Variants in IL10RB observed in about 807,000 individuals in gnomAD.
IL10RB encodes interleukin-10 receptor subunit beta.
A neutral mutation model predicts 38.7 loss-of-function variants in IL10RB; 30 were observed. That is an observed-to-expected ratio of 0.78 (90% confidence interval 0.58 to 1.05). The LOEUF (loss-of-function observed/expected upper bound fraction) is 1.05. IL10RB is among the 50% of genes least tolerant of loss of function. The probability of loss-of-function intolerance (pLI) is 0.00; values close to 1 mark genes in which losing one functional copy is unlikely to be tolerated. For missense variants in IL10RB, 328 were observed against 397.1 expected (o/e 0.83, Z 1.48); for synonymous variants, 142 against 145.9 (o/e 0.97, Z 0.19).
chr21:33,293,236 T>C (rs1326989563), intron 6 of IL10RB, among the ~76,000 whole-genome samples: 1 of 152,228 alleles, frequency 6.6e-6, no homozygotes, highest in Non-Finnish European at 1.5e-5. Flanking sequence ...TATTAATGTA[T>C]TGTTGTGATA....
chr21:33,277,897 T>C (rs1989205780), intron 3 of IL10RB, among the ~76,000 whole-genome samples: 1 of 150,804 alleles, frequency 6.6e-6, no homozygotes, highest in East Asian at 2.0e-4. Context: ...GGTCTTGAAC[T>C]CCTGACCTTA....
chr21:33,305,398 C>A (rs2082996624), intron 1 of IL10RB, among the ~76,000 whole-genome samples: 1 of 152,134 alleles, frequency 6.6e-6, no homozygotes, highest in Non-Finnish European at 1.5e-5. Context: ...GCATGAGCCC[C>A]ATGCCCGGCC....
intron 5 of IL10RB, among the ~76,000 whole-genome samples, chr21:33,285,863 C>G (rs1568908792): frequency 6.6e-6 from 1 of 152,112 alleles, no homozygotes; most frequent in Non-Finnish European, 1.5e-5. Flanking sequence ...GACTGGGGGC[C>G]GCTCCAGCCA....
chr21:33,266,537 G>T (rs780338936), intron 1 of IL10RB, 23 bp downstream of exon 1: 23 of 1,540,234 alleles, frequency 1.5e-5, no homozygotes, highest in Non-Finnish European at 1.8e-5. Context: ...CGGGGAGGGG[G>T]CGCGCTTGGG....
chr21:33,298,455 C>A (rs1177316749), downstream of IL10RB, among the ~76,000 whole-genome samples: 1 of 151,712 alleles, frequency 6.6e-6, no homozygotes, highest in East Asian at 1.9e-4. Flanking sequence ...CTCTACTAAA[C>A]ATACAAAAAT....
chr21:33,287,990 C>T, intron 5 of IL10RB, 114 bp from the exon 6 acceptor site: 1 of 1,019,480 alleles, frequency 9.8e-7, no homozygotes, highest in Non-Finnish European at 1.6e-6. Context: ...CTGAGACGTC[C>T]CCCAAGATAA....
intron 6 of IL10RB, among the ~76,000 whole-genome samples, chr21:33,293,261 CT>C (rs1989524978): frequency 6.6e-6 from 1 of 152,250 alleles, no homozygotes; most frequent in Non-Finnish European, 1.5e-5. Flanking sequence ...ATATCAGGCC[CT>C]TGTCCCCGCA....
intron 2 of IL10RB, among the ~76,000 whole-genome samples, chr21:33,274,889 CT>C (rs1989141801): frequency 6.6e-6 from 1 of 152,178 alleles, no homozygotes; most frequent in African/African-American, 2.4e-5. Context: ...TTCTTTGAAG[CT>C]TTGAAGCCAG....
At chr21:33,280,937 A>G (rs1364328471) in intron 4 of IL10RB, among the ~76,000 whole-genome samples, 2 of 152,206 alleles carry the variant, frequency 1.3e-5, no homozygotes, top group African/African-American at 2.4e-5. Context: ...TCCTGCTGCC[A>G]CAACAAAATA....
At chr21:33,283,370 C>A in intron 5 of IL10RB, 129 bp downstream of exon 5, 1 of 940,460 alleles carries the variant, frequency 1.1e-6, no homozygotes, top group Non-Finnish European at 1.7e-6. Context: ...TATCTCTCAG[C>A]CCTGACTGCT....
chr21:33,269,062 C>T (rs1989027986), intron 2 of IL10RB, among the ~76,000 whole-genome samples: 1 of 152,196 alleles, frequency 6.6e-6, no homozygotes, highest in African/African-American at 2.4e-5. Context: ...ATAATGAGTG[C>T]TCAGTTTCTC....
intron 4 of IL10RB, among the ~76,000 whole-genome samples, chr21:33,281,071 A>G (rs1989272175): frequency 6.6e-6 from 1 of 152,214 alleles, no homozygotes; most frequent in African/African-American, 2.4e-5. Flanking sequence ...TCTGCCTCCT[A>G]GATGGTGGAA....
At chr21:33,285,783 G>A (rs780183371) in intron 5 of IL10RB, among the ~76,000 whole-genome samples, 44 of 152,274 alleles carry the variant, frequency 2.9e-4, no homozygotes, top group South Asian at 6.2e-4. Flanking sequence ...GGATGAGTAG[G>A]AGCCTGGAAC....
At chr21:33,303,088 T>C (rs1184153151) in intron 1 of IL10RB, among the ~76,000 whole-genome samples, 3 of 152,144 alleles carry the variant, frequency 2.0e-5, no homozygotes, top group Admixed American at 1.3e-4. Context: ...AAGGCCTCCT[T>C]ATTCTCAGGG....
chr21:33,293,756 G>C (rs1989534285), intron 6 of IL10RB, among the ~76,000 whole-genome samples: 1 of 151,648 alleles, frequency 6.6e-6, no homozygotes, highest in African/African-American at 2.4e-5. Context: ...GCAGTGAGCA[G>C]AGATCGCGCC....
intron 2 of IL10RB, among the ~76,000 whole-genome samples, chr21:33,271,107 G>A (rs945720753): frequency 3.3e-5 from 5 of 152,196 alleles, no homozygotes; most frequent in Admixed American, 2.6e-4. Flanking sequence ...TCTCCCCCGC[G>A]TGGAACTACA....
intron 5 of IL10RB, among the ~76,000 whole-genome samples, chr21:33,283,498 C>T (rs1989317636): frequency 6.6e-6 from 1 of 152,146 alleles, no homozygotes. Context: ...CTCCATGAGC[C>T]CCCCTTGGCA....
chr21:33,299,795 A>C (rs1402563982), downstream of IL10RB, among the ~76,000 whole-genome samples: 1 of 152,216 alleles, frequency 6.6e-6, no homozygotes, highest in Non-Finnish European at 1.5e-5. Flanking sequence ...AAGGTGGAGA[A>C]CAGCTGCTGT....
chr21:33,270,876 T>C (rs1889928473), intron 2 of IL10RB, among the ~76,000 whole-genome samples: 1 of 151,792 alleles, frequency 6.6e-6, no homozygotes, highest in Admixed American at 6.6e-5. Flanking sequence ...GGTTTCACCA[T>C]GTTGGCCGAG....
Sources: allele counts gnomAD v4.1 joint callset (sites outside exome capture counted in the v4.1 genomes callset), GRCh38; gene constraint gnomAD v4.1.1; transcripts MANE v1.5; gene names NCBI Gene and HGNC (gene_info 2026-07-23, HGNC 2026-07-21).